UGGT2: variants seen among roughly 807,000 people sequenced by gnomAD.
The protein encoded by UGGT2 is UDP-glucose glycoprotein glucosyltransferase 2, also known as UDP-glucose:glycoprotein glucosyltransferase 2.
Under a neutral mutation model 192.1 loss-of-function variants are expected in UGGT2, and 180 were observed. The observed-to-expected ratio is 0.94, with a 90% CI of 0.83 to 1.06. The LOEUF (loss-of-function observed/expected upper bound fraction) is 1.06, where lower values mean the gene tolerates loss of function less well. Among genes scored for constraint, UGGT2 ranks in the 50% least tolerant of loss-of-function variants. The probability of loss-of-function intolerance (pLI) is 0.00; values close to 1 mark genes in which losing one functional copy is unlikely to be tolerated. For synonymous variants in UGGT2, 580 were observed against 591.0 expected (o/e 0.98, Z 0.27); for missense variants, 1,849 against 1,795.7 (o/e 1.03, Z -0.54).
chr13:95,804,849 C>T (rs1387887414), intron 38 of UGGT2, among the ~76,000 whole-genome samples: 2 of 152,030 alleles, frequency 1.3e-5, no homozygotes, highest in African/African-American at 4.8e-5. Flanking sequence ...CTGAGGAACA[C>T]ATAGGGAAAA....
At chr13:95,838,694 A>G (rs1392846930) in intron 36 of UGGT2, among the ~76,000 whole-genome samples, 1 of 152,154 alleles carries the variant, frequency 6.6e-6, no homozygotes. Context: ...CTAAAAAAAT[A>G]AAGTCCGTTA....
At chr13:95,996,697 T>C (rs1269816077) in intron 6 of UGGT2, among the ~76,000 whole-genome samples, 6 of 152,182 alleles carry the variant, frequency 3.9e-5, no homozygotes, top group Non-Finnish European at 5.9e-5. Context: ...AATAGTCAAG[T>C]TCTATTTCAT....
intron 10 of UGGT2, 78 bp from the exon 11 acceptor site, chr13:95,972,749 A>G (rs541727852): frequency 9.3e-7 from 1 of 1,075,658 alleles, no homozygotes; most frequent in Non-Finnish European, 1.4e-6. Flanking sequence ...TATTATTTCT[A>G]TAAAGAGTCA....
chr13:95,913,077 A>G (rs1291375372), intron 20 of UGGT2, among the ~76,000 whole-genome samples: 1 of 152,216 alleles, frequency 6.6e-6, no homozygotes, highest in Non-Finnish European at 1.5e-5. Context: ...CACCTTATAC[A>G]AAAATTAATT....
chr13:95,812,756 C>G (rs1430337495), intron 38 of UGGT2, among the ~76,000 whole-genome samples: 1 of 151,882 alleles, frequency 6.6e-6, no homozygotes, highest in Non-Finnish European at 1.5e-5. Context: ...ACTGTACCCA[C>G]CTTACTCTCT....
intron 15 of UGGT2, among the ~76,000 whole-genome samples, chr13:95,940,577 G>A (rs2049641262): frequency 6.7e-6 from 1 of 149,870 alleles, no homozygotes; most frequent in African/African-American, 2.5e-5. Flanking sequence ...CTAGCCCCCT[G>A]GGTAGCTGGG....
chr13:95,845,999 C>CT (rs1566580451), intron 36 of UGGT2, among the ~76,000 whole-genome samples: 1 of 152,050 alleles, frequency 6.6e-6, no homozygotes, highest in African/African-American at 2.4e-5. Flanking sequence ...CAGGCAGAGA[C>CT]GCTCCTCACT....
At chr13:95,889,855 G>GAC (rs1177225412) in intron 25 of UGGT2, among the ~76,000 whole-genome samples, 2 of 152,156 alleles carry the variant, frequency 1.3e-5, no homozygotes, top group Admixed American at 6.6e-5. Flanking sequence ...GAAGTGATAG[G>GAC]ACAGCATACA....
intron 38 of UGGT2, among the ~76,000 whole-genome samples, chr13:95,830,740 A>G (rs1412919989): frequency 1.3e-5 from 2 of 152,152 alleles, no homozygotes; most frequent in African/African-American, 2.4e-5. Context: ...AGGATCTAAA[A>G]CTAGAAATAC....
At chr13:95,845,960 G>A (rs1381957171) in intron 36 of UGGT2, among the ~76,000 whole-genome samples, 1 of 147,276 alleles carries the variant, frequency 6.8e-6, no homozygotes, top group South Asian at 2.2e-4. Flanking sequence ...CGGGCAGAGG[G>A]GCTCCTCACA....
At chr13:95,806,221 G>A (rs1884300219) in intron 38 of UGGT2, among the ~76,000 whole-genome samples, 2 of 152,168 alleles carry the variant, frequency 1.3e-5, no homozygotes, top group Admixed American at 1.3e-4. Context: ...ACCCAACTTT[G>A]TAGCTTAGGG....
intron 17 of UGGT2, among the ~76,000 whole-genome samples, chr13:95,928,416 G>A (rs1270079008): frequency 1.3e-5 from 2 of 151,842 alleles, no homozygotes; most frequent in Non-Finnish European, 2.9e-5. Flanking sequence ...CTGCCGGGCG[G>A]AGGGGCTCCT....
intron 38 of UGGT2, chr13:95,832,601 C>A: frequency 2.8e-6 from 1 of 355,480 alleles, no homozygotes; most frequent in Non-Finnish European, 5.6e-6. Context: ...CTCAAATTTT[C>A]ACATTTAGGA....
At chr13:96,030,828 T>C (rs2052811346) in intron 2 of UGGT2, among the ~76,000 whole-genome samples, 1 of 152,206 alleles carries the variant, frequency 6.6e-6, no homozygotes, top group South Asian at 2.1e-4. Flanking sequence ...TATATAGGTA[T>C]ATACTCTCAT....
chr13:95,849,377 T>C (rs1222999007), intron 36 of UGGT2, among the ~76,000 whole-genome samples: 1 of 151,500 alleles, frequency 6.6e-6, no homozygotes, highest in Non-Finnish European at 1.5e-5. Context: ...TCTACTAAAA[T>C]ACAAAAATAC....
rs770240611 is a variant in UGGT2 at position 95,936,933 on chromosome 13, TTC to T, written c.1966_1967del (p.Glu656SerfsTer8). On this transcript the variant is annotated frameshift_variant, in exon 17 of 39. Transcript: ENST00000376747. LOFTEE classifies it high-confidence loss of function. The stretch of plus-strand genomic sequence containing the variant: ...ATAAATGCTTACCTACCAAAAAAAC[TTC>T]TCTTTGTAAATATACAGATGCATCC... The part of the protein sequence containing the change: ...MMDASVYLQR[E>X]VFLGTLNDRT... 7 of 1,526,752 alleles carry T rather than the reference TTC, an allele frequency of 4.6e-6. No homozygotes were observed. Among genetic ancestry groups the T allele is most frequent in the Admixed American group, 4.7e-5 (2 of 42,258 alleles). The allele number at this position is 1,526,752 out of a possible 1,614,324, so 94.6% of individuals were successfully genotyped here. A position where few individuals can be genotyped will look rare whatever the true frequency, so the allele number is the denominator to read the frequency against.
rs1221860147 is a variant in UGGT2 at position 96,027,498 on chromosome 13, C to T, written c.242-3739G>A. On this transcript the variant is annotated intron_variant, in intron 2 of 38. Transcript: ENST00000376747. ...CTTCAATATTTTCTGCCTTTATCTT[C>T]AACCTCAGCTTTTACTCAATTTTTG... Among the ~76,000 whole-genome samples the T allele has an allele frequency of 2.0e-5, 3 of 152,242 alleles. No individual in the cohort carries two copies. The South Asian group carries it at 6.2e-4, about 32-fold the overall frequency.
At chr13:95,872,591 G>C (rs1891315756) in intron 29 of UGGT2, among the ~76,000 whole-genome samples, 1 of 152,080 alleles carries the variant, frequency 6.6e-6, no homozygotes, top group African/African-American at 2.4e-5. Context: ...TGGATAGCTA[G>C]TGACATTAAT....
intron 5 of UGGT2, among the ~76,000 whole-genome samples, chr13:96,012,875 G>A (rs1396125563): frequency 6.6e-6 from 1 of 151,890 alleles, no homozygotes; most frequent in Non-Finnish European, 1.5e-5. Context: ...GCAGGCTAGA[G>A]GAACGGGAAC....
Sources: gnomAD v4.1 joint callset for allele counts (sites outside exome capture counted in the v4.1 genomes callset) on GRCh38, gnomAD v4.1.1 for gene constraint, MANE v1.5 for transcripts, NCBI Gene and HGNC (gene_info 2026-07-23, HGNC 2026-07-21) for gene names.